GPC5: variants seen among roughly 807,000 people sequenced by gnomAD.
GPC5 encodes the protein glypican 5, also known as glypican-5.
In GPC5, 47 loss-of-function variants were observed where a neutral mutation model predicts 53.9. The observed-to-expected ratio is 0.87, with a 90% CI of 0.69 to 1.11. The LOEUF is 1.11. Among genes scored for constraint, GPC5 ranks in the 50% most tolerant of loss-of-function variants. GPC5 has a pLI of 0.00. For synonymous variants in GPC5, 286 were observed against 263.3 expected (o/e 1.09, Z -0.84); for missense variants, 748 against 713.1 (o/e 1.05, Z -0.56).
At chr13:92,352,093 G>T (rs9556169) in intron 7 of GPC5, among the ~76,000 whole-genome samples, 2 of 152,288 alleles carry the variant, frequency 1.3e-5, no homozygotes, top group East Asian at 3.9e-4. Context: ...TGGCATAGGT[G>T]CAGAAACAGT....
intron 7 of GPC5, among the ~76,000 whole-genome samples, chr13:92,287,541 G>A (rs1436700480): frequency 6.7e-6 from 1 of 148,748 alleles, no homozygotes; most frequent in Non-Finnish European, 1.5e-5. Context: ...TTTATTTGCT[G>A]CATATATATT....
At chr13:92,457,952 C>T (rs951208194) in intron 7 of GPC5, among the ~76,000 whole-genome samples, 4 of 152,154 alleles carry the variant, frequency 2.6e-5, no homozygotes, top group South Asian at 2.1e-4. Flanking sequence ...TGTACCTACA[C>T]GTGTATTGTC....
At position 92,144,848 on chromosome 13, in the gene GPC5, C is replaced by G; in HGVS notation, c.1420C>G (p.Pro474Ala). 1.2e-6 allele frequency: 2 copies of G among 1,611,560 alleles called. No individual in the cohort carries two copies. Among genetic ancestry groups the G allele is most frequent in the Non-Finnish European group, 8.5e-7 (1 of 1,178,814 alleles). The change falls in exon 7 of 8, where the codon CCC (proline) becomes GCC (alanine). Residue 474 changes from proline to alanine, a missense_variant. Physicochemically the swap from Pro to Ala is conservative, Grantham distance 27. Transcript: ENST00000377067. ...CAATTAGTTGTTACAGGGTAGATCA[C>G]CCAAACCTGACAAGTGGGAACTTCT... Reference protein sequence around the residue: ...HVVQLLQGRSPKPDKWELLQL... With the variant: ...HVVQLLQGRSAKPDKWELLQL...
chr13:91,718,576 A>C (rs1375079577), intron 3 of GPC5, among the ~76,000 whole-genome samples: 1 of 152,090 alleles, frequency 6.6e-6, no homozygotes, highest in Non-Finnish European at 1.5e-5. Context: ...AAATATCACA[A>C]AGCTCAATGG....
At chr13:92,414,812 G>A (rs1027910907) in intron 7 of GPC5, among the ~76,000 whole-genome samples, 6 of 152,180 alleles carry the variant, frequency 3.9e-5, no homozygotes, top group Non-Finnish European at 2.9e-5. Flanking sequence ...ATGTCTTCTA[G>A]TTCGGTCCAC....
At chr13:92,461,260 A>G (rs771042595) in intron 7 of GPC5, among the ~76,000 whole-genome samples, 2 of 152,184 alleles carry the variant, frequency 1.3e-5, no homozygotes, top group Non-Finnish European at 2.9e-5. Context: ...TGATTCAACG[A>G]ATATGTATTG....
chr13:92,629,915 C>T (rs1178681016), intron 7 of GPC5, among the ~76,000 whole-genome samples: 1 of 152,068 alleles, frequency 6.6e-6, no homozygotes, highest in Non-Finnish European at 1.5e-5. Flanking sequence ...GATGACAGGT[C>T]CTAAAGGAAG....
intron 2 of GPC5, among the ~76,000 whole-genome samples, chr13:91,488,373 T>C (rs189414834): frequency 9.8e-5 from 15 of 152,320 alleles, no homozygotes; most frequent in Admixed American, 3.3e-4. Flanking sequence ...AGTGAAGTGA[T>C]TCCCCAAGGT....
At chr13:91,436,366 C>T (rs1158790122) in intron 1 of GPC5, among the ~76,000 whole-genome samples, 1 of 151,768 alleles carries the variant, frequency 6.6e-6, no homozygotes, top group African/African-American at 2.4e-5. Context: ...GAATGTGTCC[C>T]AGAGATTCTG....
At chr13:92,544,853 T>C (rs1594292258) in intron 7 of GPC5, among the ~76,000 whole-genome samples, 1 of 152,190 alleles carries the variant, frequency 6.6e-6, no homozygotes, top group South Asian at 2.1e-4. Context: ...TCCTTTTTTA[T>C]GTGAATGAAG....
At chr13:91,938,587 C>T (rs2039893217) in intron 6 of GPC5, among the ~76,000 whole-genome samples, 1 of 152,128 alleles carries the variant, frequency 6.6e-6, no homozygotes, top group African/African-American at 2.4e-5. Flanking sequence ...ATGTCAAGGC[C>T]ACTGCCTACT....
At chr13:92,262,021 CT>C (rs905575246) in intron 7 of GPC5, among the ~76,000 whole-genome samples, 2 of 151,970 alleles carry the variant, frequency 1.3e-5, no homozygotes, top group African/African-American at 4.8e-5. Flanking sequence ...TGTAGTCAGG[CT>C]TTTTTCCCAA....
chr13:92,567,376 T>C (rs898773916), intron 7 of GPC5, among the ~76,000 whole-genome samples: 6 of 152,118 alleles, frequency 3.9e-5, no homozygotes, highest in Admixed American at 3.9e-4. Flanking sequence ...GCTGATAATA[T>C]GATTGCTGGC....
intron 6 of GPC5, among the ~76,000 whole-genome samples, chr13:91,915,268 T>A (rs1369381950): frequency 6.6e-6 from 1 of 152,190 alleles, no homozygotes; most frequent in Non-Finnish European, 1.5e-5. Flanking sequence ...AGCAATTAGT[T>A]TGTCTGAGTA....
At chr13:92,790,545 G>A (rs1876424913) in intron 7 of GPC5, among the ~76,000 whole-genome samples, 1 of 152,086 alleles carries the variant, frequency 6.6e-6, no homozygotes, top group African/African-American at 2.4e-5. Context: ...GTGTGCTTGT[G>A]CGAAGAATGT....
At chr13:92,843,637 C>T (rs1399577758) in intron 7 of GPC5, among the ~76,000 whole-genome samples, 1 of 152,100 alleles carries the variant, frequency 6.6e-6, no homozygotes, top group Non-Finnish European at 1.5e-5. Flanking sequence ...GGATGTGGCT[C>T]TGCATTTTAT....
At chr13:92,151,808 GATCA>G (rs1298906639) in intron 7 of GPC5, among the ~76,000 whole-genome samples, 1 of 152,158 alleles carries the variant, frequency 6.6e-6, no homozygotes, top group Non-Finnish European at 1.5e-5. Context: ...TGCCAAGAGA[GATCA>G]ATCAGAGTTT....
Position 91,898,399 on chromosome 13 carries a change from C to A in GPC5, c.1281-9538C>A, listed in dbSNP as rs2039464993. Among the ~76,000 whole-genome samples the A allele has an allele frequency of 2.0e-5, 3 of 152,228 alleles. No individual in the cohort carries two copies. In the South Asian group the frequency reaches 6.2e-4, roughly 32 times the overall value. On this transcript the variant is annotated intron_variant, in intron 5 of 7. Coordinates refer to ENST00000377067, the MANE Select transcript of GPC5 (RefSeq NM_004466.6). The stretch of plus-strand genomic sequence containing the variant: ...GCCTTCAGTAACAAGAGGCTTAGGA[C>A]TAAATATTAGGCTGAAGGGTAGTGT...
At chr13:91,624,125 G>C (rs1000574101) in intron 2 of GPC5, among the ~76,000 whole-genome samples, 2 of 152,050 alleles carry the variant, frequency 1.3e-5, no homozygotes, top group African/African-American at 4.8e-5. Context: ...AATTTCAAAA[G>C]GAAACATAAG....
Sources: allele counts gnomAD v4.1 joint callset (sites outside exome capture counted in the v4.1 genomes callset), GRCh38; gene constraint gnomAD v4.1.1; transcripts MANE v1.5; gene names NCBI Gene and HGNC (gene_info 2026-07-23, HGNC 2026-07-21).